The following SLC36A3 variants were observed in gnomAD, a reference collection of about 807,000 sequenced individuals.
SLC36A3 encodes proton-coupled amino acid transporter 3.
In SLC36A3, 35 loss-of-function variants were observed where a neutral mutation model predicts 44.3. That is an observed-to-expected ratio of 0.79 (90% confidence interval 0.60 to 1.05). The LOEUF (loss-of-function observed/expected upper bound fraction) is 1.05, where lower values mean the gene tolerates loss of function less well. Among genes scored for constraint, SLC36A3 ranks in the 50% least tolerant of loss-of-function variants. The pLI, the probability that SLC36A3 is intolerant of heterozygous loss-of-function variation, is 0.00. For missense variants in SLC36A3, 540 were observed against 578.7 expected (o/e 0.93, Z 0.69); for synonymous variants, 211 against 227.6 (o/e 0.93, Z 0.66).
At chr5:151,288,586 CT>C in intron 4 of SLC36A3, 116 bp from the exon 5 acceptor site, 1 of 928,312 alleles carries the variant, frequency 1.1e-6, no homozygotes. Context: ...AATTTCCCTA[CT>C]TTCTTTTATT....
rs367917416 is a variant in SLC36A3, at chr5:151,288,431, G to A, written c.444C>T (p.Gly148=). 2 of 1,600,810 alleles carry A rather than the reference G, an allele frequency of 1.2e-6. No individual in the cohort carries two copies. The highest frequency in any genetic ancestry group is 1.7e-6 in the Non-Finnish European group (2 of 1,173,530). ...VSFLLVITQL[G]FCSVYFMFMA... is the part of the protein sequence containing the mutation. ...TAAACATAAAATAAACACTGCAGAAGCCCAGCTGGGTGATGACTAATAAGA... is the reference window on the plus strand; with the variant it reads ...TAAACATAAAATAAACACTGCAGAAACCCAGCTGGGTGATGACTAATAAGA... Residue 148 remains glycine (G), a synonymous_variant, in exon 5 of 10, where the codon GGC becomes GGT. Coordinates refer to ENST00000335230, the MANE Select transcript of SLC36A3 (RefSeq NM_181774.4).
intron 5 of SLC36A3, 143 bp from the exon 6 acceptor site, chr5:151,287,607 A>G: frequency 1.3e-6 from 1 of 777,270 alleles, no homozygotes. Flanking sequence ...TAGTAAAACA[A>G]AATCACTACT....
intron 4 of SLC36A3, among the ~76,000 whole-genome samples, chr5:151,292,749 C>A (rs138937608): frequency 0.081 from 12,323 of 152,226 alleles, 667 homozygotes; most frequent in East Asian, 0.22. Flanking sequence ...TTTGGGAGGC[C>A]GAGGCAGGCG....
At chr5:151,281,651 C>G (rs1754319539) in intron 8 of SLC36A3, among the ~76,000 whole-genome samples, 4 of 152,052 alleles carry the variant, frequency 2.6e-5, no homozygotes, top group African/African-American at 9.7e-5. Flanking sequence ...AAGCTCGTCT[C>G]TAATAAAAAT....
rs13358046 is a variant in SLC36A3, at chr5:151,284,213, G to A, written c.808-3C>T. On this transcript the variant is annotated splice_region_variant and splice_polypyrimidine_tract_variant and intron_variant, in intron 7 of 9. Transcript: ENST00000335230. ...ATCTGGTTTTTGAGAGGCAGAACCTGGAGGGAAAAAAAAAAGTTGGGAAAG... is the reference window on the plus strand; with the variant it reads ...ATCTGGTTTTTGAGAGGCAGAACCTAGAGGGAAAAAAAAAAGTTGGGAAAG... The A allele has an allele frequency of 8.5e-3, 13,568 of 1,591,276 alleles. 990 individuals carry two copies. The African/African-American group carries it at 0.16, about 19-fold the overall frequency.
At chr5:151,296,344 T>G in intron 2 of SLC36A3, 76 bp from the exon 3 acceptor site, 1 of 1,251,954 alleles carries the variant, frequency 8.0e-7, no homozygotes, top group Non-Finnish European at 1.2e-6. Flanking sequence ...ACAGTCTGCG[T>G]GCTGGGGCCT....
In SLC36A3 at chr5:151,298,616, C is replaced by T. The variant is rs965328817; in HGVS notation, c.196G>A (p.Ala66Thr). 6 of 1,614,150 alleles carry T rather than the reference C, an allele frequency of 3.7e-6. No homozygotes were observed. Among genetic ancestry groups the T allele is most frequent in the Middle Eastern group, 1.6e-4 (1 of 6,062 alleles). The change falls in exon 2 of 10, where the codon GCC becomes ACC. Residue 66 changes from alanine to threonine, a missense_variant. Physicochemically the swap from Ala to Thr is moderately conservative, Grantham distance 58. Coordinates refer to ENST00000335230, the MANE Select transcript of SLC36A3 (RefSeq NM_181774.4). Reference protein sequence around the residue: ...IGTGLLGLPLAIKNAGLLVGP... With the variant: ...IGTGLLGLPLTIKNAGLLVGP... ...ACCAACAAGCCGGCATTCTTTATGG[C>T]CAGGGGAAGCCCCAGGAGCCCTGTG...
chr5:151,299,258 C>CTA (rs1488673598), intron 1 of SLC36A3, among the ~76,000 whole-genome samples: 102 of 68,028 alleles, frequency 1.5e-3, no homozygotes, highest in Middle Eastern at 7.8e-3. Context: ...CTCTCTCTCT[C>CTA]TCTCTCTATA....
Position 151,277,664 on chromosome 5 carries a change from G to T in SLC36A3, c.1145-3C>A, listed in dbSNP as rs1224271385. ...GGGGATGAGGATGGCTGAGACACCTGCAATGAAAGGAGATATTTAGAATCA... is the reference window on the plus strand; with the variant it reads ...GGGGATGAGGATGGCTGAGACACCTTCAATGAAAGGAGATATTTAGAATCA... On this transcript the variant is annotated splice_polypyrimidine_tract_variant and splice_region_variant and intron_variant, in intron 9 of 9. Transcript: ENST00000335230. The T allele has an allele frequency of 1.9e-6, 3 of 1,613,104 alleles. No individual in the cohort carries two copies. The highest frequency in any genetic ancestry group is 2.5e-6 in the Non-Finnish European group (3 of 1,179,618).
chr5:151,279,059 A>G (rs1173374199), intron 9 of SLC36A3, among the ~76,000 whole-genome samples: 1 of 152,106 alleles, frequency 6.6e-6, no homozygotes, highest in Admixed American at 6.5e-5. Context: ...CCACTTCTCC[A>G]AAGGGGCCAT....
In SLC36A3 at chr5:151,276,999, T is replaced by C. The variant is rs1316906949; in HGVS notation, c.*394A>G. ...TAGAATATCTAAATAGAAAACTCCC[T>C]TCGCCCAACATACACTTTTCTAAAT... On this transcript the variant is annotated 3_prime_UTR_variant, in exon 10 of 10. Transcript: ENST00000335230. The C allele has an allele frequency of 2.1e-5, 4 of 191,762 alleles. No individual in the cohort carries two copies. Among genetic ancestry groups the C allele is most frequent in the Non-Finnish European group, 3.3e-5 (3 of 91,264 alleles). 11.9% of individuals were successfully genotyped at this position (191,762 alleles called of 1,614,324 possible). A position where few individuals can be genotyped will look rare whatever the true frequency, so the allele number is the denominator to read the frequency against.
At chr5:151,294,307 T>C (rs755463402) in intron 3 of SLC36A3, among the ~76,000 whole-genome samples, 17 of 152,170 alleles carry the variant, frequency 1.1e-4, no homozygotes, top group Non-Finnish European at 2.2e-4. Flanking sequence ...GCATTTTCAA[T>C]ACAAATGAAG....
At chr5:151,283,074 T>C (rs540167892) in intron 8 of SLC36A3, among the ~76,000 whole-genome samples, 2 of 152,076 alleles carry the variant, frequency 1.3e-5, no homozygotes, top group East Asian at 3.9e-4. Context: ...TTAGCAGAGA[T>C]GGGGTTTTGC....
At chr5:151,290,758 G>T (rs1234247639) in intron 4 of SLC36A3, among the ~76,000 whole-genome samples, 1 of 152,050 alleles carries the variant, frequency 6.6e-6, no homozygotes, top group East Asian at 1.9e-4. Context: ...AGCCGGGCAT[G>T]GTGGCGGGCG....
Position 151,284,696 on chromosome 5 carries a change from T to A in SLC36A3, c.724A>T (p.Ser242Cys), listed in dbSNP as rs771555484. Residue 242 changes from serine (S) to cysteine (C), a missense_variant, in exon 7 of 10, where the codon AGC becomes TGC. Transcript: ENST00000335230. ...CAGTTTGCCATCAAGGGTAGGTTGCTGGGATATGGAATCCCCTAAAAGAAA... is the reference window on the plus strand; with the variant it reads ...CAGTTTGCCATCAAGGGTAGGTTGCAGGGATATGGAATCCCCTAAAAGAAA... ...EYIMEGIPYP[S>C]NLPLMANWKT... 8.1e-6 allele frequency: 13 copies of A among 1,613,084 alleles called. No homozygotes were observed. Among genetic ancestry groups the A allele is most frequent in the Non-Finnish European group, 1.0e-5 (12 of 1,179,336 alleles).
intron 7 of SLC36A3, 60 bp downstream of exon 7, chr5:151,284,553 C>T: frequency 7.9e-7 from 1 of 1,273,288 alleles, no homozygotes; most frequent in Non-Finnish European, 1.1e-6. Context: ...ACATCTGCAA[C>T]TACAGTTGGC....
Position 151,296,264 on chromosome 5 carries a change from C to T in SLC36A3, c.224G>A (p.Gly75Asp). 1 of 1,614,042 alleles carries T rather than the reference C, an allele frequency of 6.2e-7. No homozygotes were observed. Residue 75 changes from glycine to aspartate, a missense_variant, in exon 3 of 10, where the codon GGT (glycine) becomes GAT (aspartate). Transcript: ENST00000335230. ...LAIKNAGLLVGPVSLLAIGVL... is the reference protein window; with the variant it reads ...LAIKNAGLLVDPVSLLAIGVL... ...CCCGATGGCCAGAAGGCTGACAGGA[C>T]CGACCTGGAGGGGAGAGGAGAAAGG... is the stretch of plus-strand genomic sequence containing the variant.
intron 8 of SLC36A3, among the ~76,000 whole-genome samples, chr5:151,282,369 T>C (rs935738329): frequency 6.6e-6 from 1 of 152,120 alleles, no homozygotes; most frequent in Non-Finnish European, 1.5e-5. Flanking sequence ...GGTTTCTCTA[T>C]GTTGGTCTGG....
chr5:151,300,509 C>A (rs1337784588), intron 1 of SLC36A3, among the ~76,000 whole-genome samples: 1 of 152,174 alleles, frequency 6.6e-6, no homozygotes, highest in Non-Finnish European at 1.5e-5. Flanking sequence ...GTAGTAATTT[C>A]TCCAAAAGAT....
Sources: allele counts gnomAD v4.1 joint callset (sites outside exome capture counted in the v4.1 genomes callset), GRCh38; gene constraint gnomAD v4.1.1; transcripts MANE v1.5; gene names NCBI Gene and HGNC (gene_info 2026-07-23, HGNC 2026-07-21).